FLI1: variants seen among roughly 807,000 people sequenced by gnomAD.
FLI1 encodes Friend leukemia integration 1 transcription factor.
In FLI1, 13 loss-of-function variants were observed where a neutral mutation model predicts 53.1. The observed-to-expected ratio is 0.24, with a 90% CI of 0.16 to 0.39. FLI1 has a LOEUF of 0.39. FLI1 is among the 10% of genes least tolerant of loss of function. The pLI, the probability that FLI1 is intolerant of heterozygous loss-of-function variation, is 1.00. For synonymous variants in FLI1, 244 were observed against 236.7 expected (o/e 1.03, Z -0.28); for missense variants, 424 against 600.5 (o/e 0.71, Z 3.07).
At chr11:128,769,430 C>T (rs540458804) in intron 3 of FLI1, among the ~76,000 whole-genome samples, 1 of 152,290 alleles carries the variant, frequency 6.6e-6, no homozygotes, top group Non-Finnish European at 1.5e-5. Flanking sequence ...TTAGACATCT[C>T]TTTGAGGTAG....
In FLI1 at chr11:128,764,929, A is replaced by G. The variant is rs947294010; in HGVS notation, c.231-3189A>G. On this transcript the variant is annotated intron_variant, in intron 2 of 8. Coordinates refer to ENST00000527786, the MANE Select transcript of FLI1 (RefSeq NM_002017.5). ...CTTCTCCCTAAGGACACCCGCCTGC[A>G]GGTCCTAGTGCAGAAGCCTGGGACC... 9 of 1,207,952 alleles carry G rather than the reference A, an allele frequency of 7.5e-6. No individual in the cohort carries two copies. The Admixed American group carries it at 1.6e-4, about 22-fold the overall frequency. The allele number at this position is 1,207,952 out of a possible 1,614,324, so 74.8% of individuals were successfully genotyped here. A position where few individuals can be genotyped will look rare whatever the true frequency, so the allele number is the denominator to read the frequency against.
intron 5 of FLI1, among the ~76,000 whole-genome samples, chr11:128,795,318 T>C (rs1168474020): frequency 6.6e-6 from 1 of 152,260 alleles, no homozygotes; most frequent in African/African-American, 2.4e-5. Context: ...TTTATGGACC[T>C]AATTACAGAT....
chr11:128,773,026 G>A lies in FLI1; in HGVS notation c.589+41G>A, dbSNP rs772309290. 18 of 1,579,454 alleles carry A rather than the reference G, an allele frequency of 1.1e-5. No homozygotes were observed. The South Asian group carries it at 1.9e-4, about 17-fold the overall frequency. On this transcript the variant is annotated intron_variant, in intron 4 of 8. Transcript: ENST00000527786. ...GTACCCAGGGCTGGGAGGAAGCTTG[G>A]CATGGAGCCAACCCAGGGAGAGGAA...
chr11:128,736,815 A>G (rs1939933559), intron 1 of FLI1, among the ~76,000 whole-genome samples: 1 of 152,154 alleles, frequency 6.6e-6, no homozygotes, highest in African/African-American at 2.4e-5. Context: ...TTAGTTTTCA[A>G]AATGCACTTT....
chr11:128,802,544 G>T (rs565077334), intron 5 of FLI1, among the ~76,000 whole-genome samples: 6 of 152,380 alleles, frequency 3.9e-5, no homozygotes, highest in African/African-American at 1.4e-4. Flanking sequence ...CACAGTGAGA[G>T]CACAGTTCAG....
intron 1 of FLI1, among the ~76,000 whole-genome samples, chr11:128,730,438 C>T (rs1939649331): frequency 6.6e-6 from 1 of 152,176 alleles, no homozygotes; most frequent in African/African-American, 2.4e-5. Context: ...ATCGGTGCTA[C>T]TAAAGTCAGG....
chr11:128,700,230 T>C (rs995070122), intron 1 of FLI1, among the ~76,000 whole-genome samples: 38 of 152,320 alleles, frequency 2.5e-4, no homozygotes, highest in African/African-American at 7.9e-4. Flanking sequence ...AGTAGCCCTA[T>C]GGGAGATAAT....
At chr11:128,752,827 C>T (rs1172986349) in intron 1 of FLI1, among the ~76,000 whole-genome samples, 6 of 152,134 alleles carry the variant, frequency 3.9e-5, no homozygotes, top group Admixed American at 6.5e-5. Flanking sequence ...TCTGTAACGA[C>T]GACAGAGGGT....
intron 1 of FLI1, among the ~76,000 whole-genome samples, chr11:128,744,683 C>T (rs1378982156): frequency 1.3e-5 from 2 of 152,166 alleles, no homozygotes; most frequent in African/African-American, 4.8e-5. Flanking sequence ...CACATCAAAA[C>T]CCTGTGGGTG....
intron 1 of FLI1, 47 bp from the exon 2 acceptor site, chr11:128,758,068 G>T: frequency 6.6e-7 from 1 of 1,517,642 alleles, no homozygotes. Context: ...TCACTTGCTT[G>T]GGTGAAGAGT....
rs78288624 is a variant in FLI1 at position 128,711,660 on chromosome 11, A to C, written c.18+17384A>C. Among the ~76,000 whole-genome samples the C allele has an allele frequency of 4.1e-3, 618 of 152,376 alleles. 3 individuals are homozygous for C. Among genetic ancestry groups the C allele is most frequent in the Middle Eastern group, 0.01 (3 of 294 alleles). On this transcript the variant is annotated intron_variant, in intron 1 of 8. Transcript: ENST00000527786. ...TGGCCAAAAGGAATCCCTATTATAC[A>C]TAATGGCGATTTCAGTTTCTCCATT...
At chr11:128,703,855 A>C (rs1022058972) in intron 1 of FLI1, among the ~76,000 whole-genome samples, 5 of 151,090 alleles carry the variant, frequency 3.3e-5, no homozygotes, top group Non-Finnish European at 7.4e-5. Context: ...AAAAAAAAAA[A>C]AAAAAAAACA....
At position 128,806,920 on chromosome 11, in the gene FLI1, A is replaced by T. The variant is rs543116025; in HGVS notation, c.722-260A>T. ...TTTAAGCAAAGACAAAATTTTAAGA[A>T]TTTAAAAATGTGTTTATTATTGTCT... On this transcript the variant is annotated intron_variant, in intron 6 of 8. Transcript: ENST00000527786. The T allele has an allele frequency of 5.5e-5, 19 of 348,578 alleles. 1 individual carries two copies. The highest frequency in any genetic ancestry group is 3.6e-4 in the African/African-American group (17 of 47,768). The allele number at this position is 348,578 out of a possible 1,614,324, so 21.6% of individuals were successfully genotyped here. A position where few individuals can be genotyped will look rare whatever the true frequency, so the allele number is the denominator to read the frequency against.
intron 1 of FLI1, among the ~76,000 whole-genome samples, chr11:128,727,556 G>A (rs775165438): frequency 1.3e-5 from 2 of 152,326 alleles, no homozygotes; most frequent in East Asian, 3.9e-4. Flanking sequence ...AAGGGCTGAT[G>A]TATCAGCTTC....
chr11:128,803,053 T>C (rs1942677878), intron 5 of FLI1, among the ~76,000 whole-genome samples: 1 of 152,234 alleles, frequency 6.6e-6, no homozygotes, highest in African/African-American at 2.4e-5. Context: ...AAAAAATGTT[T>C]AGAAAACTTG....
intron 1 of FLI1, among the ~76,000 whole-genome samples, chr11:128,757,052 CTTTCTTTCTTTCTTTCTTTCT>C (rs1940902946): frequency 1.1e-5 from 1 of 93,404 alleles, no homozygotes; most frequent in African/African-American, 4.6e-5. Context: ...TTTTTTCTTT[CTTTCTTTCTTTCTTTCTTTCT>C]TTCTTTCTTT....
chr11:128,731,771 G>T (rs1939708956), intron 1 of FLI1, among the ~76,000 whole-genome samples: 1 of 152,174 alleles, frequency 6.6e-6, no homozygotes, highest in South Asian at 2.1e-4. Context: ...GGGAGGCGGA[G>T]GCGGGCAAAT....
At chr11:128,745,234 G>A (rs1182577729) in intron 1 of FLI1, among the ~76,000 whole-genome samples, 1 of 151,136 alleles carries the variant, frequency 6.6e-6, no homozygotes, top group Non-Finnish European at 1.5e-5. Flanking sequence ...GGAGCACAGG[G>A]CAGAACAATT....
At chr11:128,730,702 G>A (rs6590349) in intron 1 of FLI1, among the ~76,000 whole-genome samples, 5,533 of 152,240 alleles carry the variant, frequency 0.036, 363 homozygotes, top group African/African-American at 0.13. Context: ...GATACACCAC[G>A]AAGGGGTGTA....
Sources: gnomAD v4.1 joint callset for allele counts (sites outside exome capture counted in the v4.1 genomes callset) on GRCh38, gnomAD v4.1.1 for gene constraint, MANE v1.5 for transcripts, NCBI Gene and HGNC (gene_info 2026-07-23, HGNC 2026-07-21) for gene names.